Variants in RDX observed in about 807,000 individuals in gnomAD.
RDX encodes the protein radixin.
In RDX, 32 loss-of-function variants were observed where a neutral mutation model predicts 83.7. The ratio of observed to expected loss-of-function variants is 0.38; its 90% CI spans 0.29 to 0.51. The LOEUF (loss-of-function observed/expected upper bound fraction) is 0.51, where lower values mean the gene tolerates loss of function less well. RDX is among the 20% of genes least tolerant of loss of function. The probability of loss-of-function intolerance (pLI) is 0.87; values close to 1 mark genes in which losing one functional copy is unlikely to be tolerated. For missense variants in RDX, 600 were observed against 689.9 expected, an observed-to-expected ratio of 0.87 and a Z score of 1.46; for synonymous variants, 229 against 222.7, an observed-to-expected ratio of 1.03 and a Z score of -0.25.
At chr11:110,261,469 A>C (rs986805938) in intron 5 of RDX, among the ~76,000 whole-genome samples, 3 of 152,188 alleles carry the variant, frequency 2.0e-5, no homozygotes, top group Non-Finnish European at 4.4e-5. Context: ...TATCAGAATC[A>C]CTAAATTATT....
chr11:110,291,592 G>A (rs1174696463), intron 1 of RDX, among the ~76,000 whole-genome samples: 1 of 152,020 alleles, frequency 6.6e-6, no homozygotes, highest in African/African-American at 2.4e-5. Flanking sequence ...TGGGACAAGG[G>A]GCTAACTGCA....
intron 1 of RDX, among the ~76,000 whole-genome samples, chr11:110,288,734 G>T (rs1861089344): frequency 6.6e-6 from 1 of 151,874 alleles, no homozygotes; most frequent in Non-Finnish European, 1.5e-5. Flanking sequence ...TCCCTTTTTT[G>T]AAAAACTGAT....
intron 14 of RDX, among the ~76,000 whole-genome samples, chr11:110,203,095 T>TG (rs1863473339): frequency 6.6e-6 from 1 of 152,070 alleles, no homozygotes; most frequent in African/African-American, 2.4e-5. Context: ...ATAGCCAAGA[T>TG]TTGGAAGCAA....
chr11:110,266,163 A>C (rs1375645384), intron 3 of RDX, among the ~76,000 whole-genome samples: 1 of 151,614 alleles, frequency 6.6e-6, no homozygotes, highest in African/African-American at 2.4e-5. Context: ...TCACTACTAA[A>C]AATACAAAAA....
At chr11:110,226,526 G>A (rs1458686145), downstream of RDX, among the ~76,000 whole-genome samples, 1 of 152,194 alleles carries the variant, frequency 6.6e-6, no homozygotes, top group Non-Finnish European at 1.5e-5. Flanking sequence ...AGTCCGGGAA[G>A]ATGAGAACAT....
intron 14 of RDX, among the ~76,000 whole-genome samples, chr11:110,211,477 A>G (rs548276187): frequency 2.5e-4 from 38 of 151,586 alleles, no homozygotes; most frequent in African/African-American, 8.0e-4. Flanking sequence ...CTCTGCACCA[A>G]GCAGACCTAA....
chr11:110,255,807 C>T (rs1033867178), intron 7 of RDX, among the ~76,000 whole-genome samples: 1 of 151,922 alleles, frequency 6.6e-6, no homozygotes, highest in Non-Finnish European at 1.5e-5. Flanking sequence ...GGGCAAGTTA[C>T]TGCAAATAAA....
At chr11:110,205,277 A>T (rs183709236) in intron 14 of RDX, among the ~76,000 whole-genome samples, 1 of 152,318 alleles carries the variant, frequency 6.6e-6, no homozygotes, top group African/African-American at 2.4e-5. Flanking sequence ...AAAATAACCA[A>T]ACTTTTAGAT....
At chr11:110,217,953 C>A (rs1040067336) in intron 14 of RDX, among the ~76,000 whole-genome samples, 4 of 152,142 alleles carry the variant, frequency 2.6e-5, no homozygotes, top group African/African-American at 9.7e-5. Flanking sequence ...ATTTATGAAT[C>A]CTCAGAGCCT....
At chr11:110,243,147 CA>C (rs1865166819) in intron 10 of RDX, among the ~76,000 whole-genome samples, 1 of 152,062 alleles carries the variant, frequency 6.6e-6, no homozygotes, top group African/African-American at 2.4e-5. Context: ...TTACTGACAG[CA>C]TTTCAGATTT....
rs1318128529 is a variant in RDX at position 110,231,597 on chromosome 11, A to G, written c.*272T>C. 1 of 471,428 alleles carries G rather than the reference A, an allele frequency of 2.1e-6. No homozygotes were observed. Among genetic ancestry groups the G allele is most frequent in the African/African-American group, 2.0e-5 (1 of 51,178 alleles). 29.2% of individuals were successfully genotyped at this position (471,428 alleles called of 1,614,324 possible). On this transcript the variant is annotated 3_prime_UTR_variant, in exon 14 of 14. Coordinates refer to ENST00000645495, the MANE Select transcript of RDX (RefSeq NM_002906.4). The stretch of plus-strand genomic sequence containing the variant: ...ACGTGATAATTAGTGTTAATCTTCA[A>G]CAGAAAAAAAAAAGAAAAAGAAAAA...
intron 3 of RDX, among the ~76,000 whole-genome samples, chr11:110,272,210 T>C (rs531210034): frequency 6.6e-6 from 1 of 152,230 alleles, no homozygotes; most frequent in African/African-American, 2.4e-5. Flanking sequence ...CTGTTCCTTC[T>C]GCCCAGGATT....
rs761230468 is a variant in RDX, at chr11:110,236,192, CTAAAG to C, written c.1252-6_1252-2del. 3.7e-5 allele frequency: 59 copies of C among 1,607,788 alleles called. No individual in the cohort carries two copies. The highest frequency in any genetic ancestry group is 4.7e-5 in the Non-Finnish European group (55 of 1,175,206). On this transcript the variant is annotated splice_acceptor_variant and splice_polypyrimidine_tract_variant and intron_variant, in intron 11 of 13. Transcript: ENST00000645495. ...CAGTGAATTCAGCAAGTTCTGCTGC[CTAAAG>C]TAAACAATATAATTCCAAAATTAAA...
At chr11:110,192,520 C>G (rs1863122771) in intron 15 of RDX, among the ~76,000 whole-genome samples, 1 of 152,106 alleles carries the variant, frequency 6.6e-6, no homozygotes, top group African/African-American at 2.4e-5. Flanking sequence ...CAAGTGGAAC[C>G]TAATTTAACT....
intron 14 of RDX, among the ~76,000 whole-genome samples, chr11:110,224,388 C>T (rs1864364841): frequency 6.6e-6 from 1 of 151,990 alleles, no homozygotes; most frequent in Non-Finnish European, 1.5e-5. Flanking sequence ...CAAACATACA[C>T]AGATATTAAG....
Position 110,283,602 on chromosome 11 carries a change from G to C in RDX, c.-64-3846C>G, listed in dbSNP as rs987506669. ...AAAGGAGAAGCAGTGGCTCCTACTT[G>C]TAAACCCAGCACTTTGAGAGCCTGA... On this transcript the variant is annotated intron_variant, in intron 1 of 13. Transcript: ENST00000645495. Among the ~76,000 whole-genome samples the C allele has an allele frequency of 2.6e-5, 4 of 152,248 alleles. No individual in the cohort carries two copies. In the South Asian group the frequency reaches 8.3e-4, roughly 32 times the overall value.
rs762865437 is a variant in RDX, at chr11:110,254,108, T to A, written c.797A>T (p.Asp266Val). 1.9e-6 allele frequency: 3 copies of A among 1,612,858 alleles called. No individual in the cohort carries two copies. Among genetic ancestry groups the A allele is most frequent in the Non-Finnish European group, 8.5e-7 (1 of 1,179,414 alleles). The change falls in exon 9 of 14, where the codon GAT (aspartate) becomes GTT (valine). Residue 266 changes from aspartate to valine, a missense_variant and splice_region_variant. Transcript: ENST00000645495. The stretch of plus-strand genomic sequence containing the variant: ...CAGACGAGGTGCATAAAACACAAAA[T>A]CCTAAACATAAAGTATTCTGAATTT... Reference protein sequence around the residue: ...VIKPIDKKAPDFVFYAPRLRI... With the variant: ...VIKPIDKKAPVFVFYAPRLRI...
intron 2 of RDX, chr11:110,273,097 T>C (rs1860368840): frequency 4.4e-6 from 2 of 456,020 alleles, no homozygotes; most frequent in Non-Finnish European, 8.8e-6. Context: ...CATGTGCCTG[T>C]TATTTCCAGG....
chr11:110,209,716 C>A (rs939617902), intron 14 of RDX, among the ~76,000 whole-genome samples: 2 of 146,734 alleles, frequency 1.4e-5, no homozygotes, highest in African/African-American at 2.5e-5. Flanking sequence ...AGGCACCCCC[C>A]AGCAGGGGCA....
Sources: gnomAD v4.1 joint callset for allele counts (sites outside exome capture counted in the v4.1 genomes callset) on GRCh38, gnomAD v4.1.1 for gene constraint, MANE v1.5 for transcripts, NCBI Gene and HGNC (gene_info 2026-07-23, HGNC 2026-07-21) for gene names.